Variants in IGSF21 observed in about 807,000 individuals in gnomAD.
IGSF21 encodes immunoglobin superfamily member 21.
In IGSF21, 28 loss-of-function variants were observed where a neutral mutation model predicts 46.8. The ratio of observed to expected loss-of-function variants is 0.60; its 90% CI spans 0.44 to 0.82. The LOEUF is 0.82. Among genes scored for constraint, IGSF21 ranks in the 40% least tolerant of loss-of-function variants. The pLI is 0.00. For missense variants in IGSF21, 624 were observed against 665.5 expected (o/e 0.94, Z 0.69); for synonymous variants, 284 against 273.6 (o/e 1.04, Z -0.38).
At chr1:18,282,752 A>G (rs4920470) in intron 2 of IGSF21, among the ~76,000 whole-genome samples, 27,503 of 152,036 alleles carry the variant, frequency 0.18, 2,639 homozygotes, top group Admixed American at 0.21. Context: ...GTGCATGCAC[A>G]ACACCGTAAG....
chr1:18,377,560 C>T (rs2086297202), intron 9 of IGSF21, 129 bp downstream of exon 9: 1 of 787,034 alleles, frequency 1.3e-6, no homozygotes, highest in South Asian at 1.4e-5. Context: ...AGGTCATTGC[C>T]CTCTAGTAGG....
At chr1:18,119,958 G>T (rs2086219861) in intron 1 of IGSF21, among the ~76,000 whole-genome samples, 1 of 152,156 alleles carries the variant, frequency 6.6e-6, no homozygotes, top group African/African-American at 2.4e-5. Context: ...AATCTGTGAA[G>T]GTGGTGGATG....
intron 2 of IGSF21, among the ~76,000 whole-genome samples, chr1:18,289,880 T>TA (rs1491526603): frequency 6.6e-6 from 1 of 152,092 alleles, no homozygotes; most frequent in Non-Finnish European, 1.5e-5. Context: ...TTGGTGGCTG[T>TA]AAAAAAGTCA....
chr1:18,192,450 A>T (rs2086966926), intron 1 of IGSF21, among the ~76,000 whole-genome samples: 1 of 152,236 alleles, frequency 6.6e-6, no homozygotes, highest in Non-Finnish European at 1.5e-5. Context: ...TCTGCAACAT[A>T]CTTTGAGGGT....
At chr1:18,259,824 C>A (rs954305901) in intron 2 of IGSF21, among the ~76,000 whole-genome samples, 4 of 152,118 alleles carry the variant, frequency 2.6e-5, no homozygotes, top group Non-Finnish European at 5.9e-5. Flanking sequence ...TAGGCAATGG[C>A]GGGCTTGGGA....
At chr1:18,269,347 G>A (rs1213063841) in intron 2 of IGSF21, among the ~76,000 whole-genome samples, 1 of 152,210 alleles carries the variant, frequency 6.6e-6, no homozygotes, top group East Asian at 1.9e-4. Context: ...GATGCAGAAG[G>A]ATCCAGACAG....
intron 4 of IGSF21, among the ~76,000 whole-genome samples, chr1:18,355,544 C>T (rs1197470508): frequency 6.6e-6 from 1 of 152,092 alleles, no homozygotes; most frequent in Non-Finnish European, 1.5e-5. Flanking sequence ...GCCACTTTAC[C>T]TTTCCCGATG....
rs149175221 is a variant in IGSF21, at chr1:18,337,269, C to A, written c.424+2259C>A. 7.6e-3 allele frequency among the ~76,000 whole-genome samples: 1,150 copies of A among 152,208 alleles called. 13 individuals are homozygous for A. The highest frequency in any genetic ancestry group is 0.024 in the South Asian group (114 of 4,820). On this transcript the variant is annotated intron_variant, in intron 4 of 9. Coordinates refer to ENST00000251296, the MANE Select transcript of IGSF21 (RefSeq NM_032880.5). This position sits in a 1 kb window ranked among gnomAD's most constrained non-coding sequence, Gnocchi z 5.7. The stretch of plus-strand genomic sequence containing the variant: ...CTCTGCTGAGCAAGGGAGTGTGCTC[C>A]TGTGGGCCTCAATTTCCCCATCTGT...
chr1:18,375,902 C>T (rs2086275727), intron 6 of IGSF21: 2 of 191,918 alleles, frequency 1.0e-5, no homozygotes, highest in South Asian at 2.1e-4. Flanking sequence ...CTGGTGCAGG[C>T]TGCTCCCCCT....
intron 6 of IGSF21, among the ~76,000 whole-genome samples, chr1:18,373,492 A>C (rs2086249444): frequency 6.6e-6 from 1 of 152,200 alleles, no homozygotes; most frequent in South Asian, 2.1e-4. Flanking sequence ...TCAACACAGC[A>C]GTAAAAGAGG....
intron 2 of IGSF21, among the ~76,000 whole-genome samples, chr1:18,264,291 C>G (rs2084971707): frequency 6.6e-6 from 1 of 152,188 alleles, no homozygotes; most frequent in African/African-American, 2.4e-5. Flanking sequence ...TTTTAGCATG[C>G]TTGCTTTCTG....
chr1:18,321,238 C>T (rs112630420), intron 3 of IGSF21, among the ~76,000 whole-genome samples: 7 of 152,306 alleles, frequency 4.6e-5, no homozygotes, highest in African/African-American at 1.7e-4. Flanking sequence ...GCAGGTTGTG[C>T]ACCAGGCCTC....
intron 4 of IGSF21, among the ~76,000 whole-genome samples, chr1:18,359,971 CCGTGAG>C (rs1462796696): frequency 6.6e-6 from 1 of 152,152 alleles, no homozygotes; most frequent in Non-Finnish European, 1.5e-5. Flanking sequence ...CATACTGGCA[CCGTGAG>C]TGAGTCTGAG....
intron 1 of IGSF21, among the ~76,000 whole-genome samples, chr1:18,202,929 G>A (rs1031868288): frequency 3.9e-5 from 6 of 152,184 alleles, no homozygotes; most frequent in Admixed American, 6.5e-5. Flanking sequence ...AAGGTGCCAT[G>A]GGCCTGGTCC....
intron 5 of IGSF21, among the ~76,000 whole-genome samples, chr1:18,363,380 G>A (rs187412510): frequency 0.13 from 20,275 of 152,182 alleles, 1,443 homozygotes; most frequent in African/African-American, 0.19. Flanking sequence ...CCTGCCTTGC[G>A]ACCTGGGGCA....
At chr1:18,163,265 C>T (rs555216728) in intron 1 of IGSF21, among the ~76,000 whole-genome samples, 14 of 151,672 alleles carry the variant, frequency 9.2e-5, no homozygotes, top group African/African-American at 2.7e-4. Flanking sequence ...TGTGGCAGGC[C>T]GGTGGTGACT....
intron 2 of IGSF21, among the ~76,000 whole-genome samples, chr1:18,270,464 C>T (rs1410287956): frequency 2.0e-5 from 3 of 152,220 alleles, no homozygotes; most frequent in African/African-American, 7.2e-5. Context: ...CCAGGGCAGC[C>T]TCGGGCAAGA....
intron 2 of IGSF21, among the ~76,000 whole-genome samples, chr1:18,250,500 C>A (rs986079760): frequency 2.0e-5 from 3 of 152,128 alleles, no homozygotes; most frequent in Non-Finnish European, 4.4e-5. Context: ...GCCACCCACC[C>A]GTCACCCATC....
intron 1 of IGSF21, among the ~76,000 whole-genome samples, chr1:18,175,168 C>A (rs9726406): frequency 0.57 from 87,193 of 151,986 alleles, 25,329 homozygotes; most frequent in Middle Eastern, 0.65. Flanking sequence ...TGGGCTTGGG[C>A]GTCCAAAACT....
Sources: gnomAD v4.1 joint callset for allele counts (sites outside exome capture counted in the v4.1 genomes callset) on GRCh38, gnomAD v4.1.1 for gene constraint, Gnocchi (gnomAD v3.1) non-coding constraint, MANE v1.5 for transcripts, NCBI Gene and HGNC (gene_info 2026-07-23, HGNC 2026-07-21) for gene names.